Variants in SCUBE2 observed in about 807,000 individuals in gnomAD.
SCUBE2 encodes signal peptide, CUB and EGF-like domain-containing protein 2.
SCUBE2 carries 114 observed loss-of-function variants against 125.9 expected under a neutral mutation model. The ratio of observed to expected loss-of-function variants is 0.91; its 90% CI spans 0.78 to 1.06. The LOEUF is 1.06. SCUBE2 is among the 50% of genes least tolerant of loss of function. The probability of loss-of-function intolerance (pLI) is 0.00; values close to 1 mark genes in which losing one functional copy is unlikely to be tolerated. For synonymous variants in SCUBE2, 459 were observed against 492.9 expected, an observed-to-expected ratio of 0.93 and a Z score of 0.91; for missense variants, 1,255 against 1,301.8, an observed-to-expected ratio of 0.96 and a Z score of 0.55.
intron 9 of SCUBE2, 77 bp from the exon 10 acceptor site, chr11:9,055,986 A>G (rs1308029267): frequency 1.2e-5 from 13 of 1,112,796 alleles, no homozygotes; most frequent in Non-Finnish European, 1.7e-5. Context: ...GATAAATACC[A>G]GTTGCTGACC....
rs1210852364 is a variant in SCUBE2, at chr11:9,054,701, G to GTATATATATATATATATATATA, written c.1208-964_1208-943dup. Among the ~76,000 whole-genome samples, 14 of 51,064 alleles carry GTATATATATATATATATATATA rather than the reference G, an allele frequency of 2.7e-4. 1 individual carries two copies. Among genetic ancestry groups the GTATATATATATATATATATATA allele is most frequent in the African/African-American group, 1.1e-3 (11 of 10,268 alleles). The allele number at this position is 51,064 out of a possible 152,430, so 33.5% of individuals were successfully genotyped here. On this transcript the variant is annotated intron_variant, in intron 10 of 22. Transcript: ENST00000649792. ...TAACTGTCAGTAGCAAAGCACTAGT[G>GTATATATATATATATATATATA]TATATATATATATATATATATATAT...
rs201999971 is a variant in SCUBE2, at chr11:9,053,193, T to G, written c.1353A>C (p.Thr451=). 374 of 1,614,026 alleles carry G rather than the reference T, an allele frequency of 2.3e-4. 1 individual carries two copies. Among genetic ancestry groups the G allele is most frequent in the Middle Eastern group, 3.3e-4 (2 of 6,084 alleles). ...GCAGGGACACACGGGGTGACACACT[T>G]GTGGGCAGGAGCCCCTTCACTTCTA... ...DCVEVKGLLP[T]SVSPRVSLHC... Residue 451 remains threonine (T), a synonymous_variant, in exon 12 of 23, where the codon ACA becomes ACC. Transcript: ENST00000649792.
At chr11:9,027,597 C>A in intron 19 of SCUBE2, 36 bp from the exon 20 acceptor site, 1 of 1,571,156 alleles carries the variant, frequency 6.4e-7, no homozygotes, top group Non-Finnish European at 8.7e-7. Flanking sequence ...TGGCACGACA[C>A]TGTCATCTCT....
intron 7 of SCUBE2, among the ~76,000 whole-genome samples, chr11:9,061,987 C>T (rs1234875817): frequency 1.3e-5 from 2 of 152,158 alleles, no homozygotes; most frequent in East Asian, 3.8e-4. Context: ...AGATAAACCC[C>T]AGAGCTCCTC....
chr11:9,071,861 A>G (rs933820520), intron 4 of SCUBE2, among the ~76,000 whole-genome samples: 4 of 152,110 alleles, frequency 2.6e-5, no homozygotes, highest in Non-Finnish European at 4.4e-5. Context: ...CTCAGAACAC[A>G]CAAAACAAAA....
intron 16 of SCUBE2, among the ~76,000 whole-genome samples, chr11:9,040,381 T>G (rs1347850845): frequency 4.6e-5 from 7 of 152,244 alleles, no homozygotes; most frequent in East Asian, 1.9e-4. Context: ...TTGTGATCTG[T>G]CAATCTGATA....
chr11:9,051,049 G>A lies in SCUBE2; in HGVS notation c.1535-339C>T, dbSNP rs11042163. On this transcript the variant is annotated intron_variant, in intron 13 of 22. Transcript: ENST00000649792. ...ATGGTGGCACATGCCTGTAATCCCA[G>A]CTACTCGGGAGGCTGAGGCAGGAGA... Among the ~76,000 whole-genome samples, 11 of 152,298 alleles carry A rather than the reference G, an allele frequency of 7.2e-5. No homozygotes were observed. The East Asian group carries it at 2.1e-3, about 29-fold the overall frequency.
intron 19 of SCUBE2, among the ~76,000 whole-genome samples, chr11:9,029,575 G>A (rs891039550): frequency 5.9e-5 from 9 of 152,248 alleles, no homozygotes; most frequent in South Asian, 2.1e-4. Context: ...TGCTGGGCAC[G>A]TAACAGGTCC....
Position 9,066,768 on chromosome 11 carries a change from T to C in SCUBE2, c.689A>G (p.Asp230Gly). ...GCTGCACTCTGGGCCATCGGCTGTA[T>C]CGTCACAGGAGTGCTGGCACCCACC... is the stretch of plus-strand genomic sequence containing the variant. ...GNGGCQHSCD[D>G]TADGPECSCH... The change falls in exon 6 of 23, where the codon GAT becomes GGT. Residue 230 changes from aspartate to glycine, a missense_variant. Coordinates refer to ENST00000649792, the MANE Select transcript of SCUBE2 (RefSeq NM_001367977.2). The C allele has an allele frequency of 6.2e-7, 1 of 1,614,210 alleles. No homozygotes were observed. The highest frequency in any genetic ancestry group is 8.5e-7 in the Non-Finnish European group (1 of 1,180,030).
At chr11:9,026,916 A>G (rs1358898496) in intron 20 of SCUBE2, 2 of 166,238 alleles carry the variant, frequency 1.2e-5, no homozygotes, top group South Asian at 1.6e-4. Context: ...AGAGCCCCTC[A>G]TTACACTGCC....
chr11:9,026,612 TA>T (rs200892647), intron 20 of SCUBE2: 17,511 of 141,946 alleles, frequency 0.12, 1,092 homozygotes, highest in South Asian at 0.24. Flanking sequence ...CCCAGCTAAT[TA>T]AAAAAAAAAA....
intron 3 of SCUBE2, among the ~76,000 whole-genome samples, chr11:9,076,517 A>G (rs1273643972): frequency 6.6e-6 from 1 of 151,896 alleles, no homozygotes; most frequent in Non-Finnish European, 1.5e-5. Context: ...TATTCAATGC[A>G]TGAACAAACA....
At chr11:9,051,711 A>G (rs1858437381) in intron 13 of SCUBE2, among the ~76,000 whole-genome samples, 1 of 152,210 alleles carries the variant, frequency 6.6e-6, no homozygotes. Flanking sequence ...TATAGTACCT[A>G]TATTACCAGG....
intron 14 of SCUBE2, 76 bp downstream of exon 14, chr11:9,050,530 G>C: frequency 8.8e-7 from 1 of 1,137,394 alleles, no homozygotes; most frequent in Non-Finnish European, 1.3e-6. Context: ...GGCCCCCATG[G>C]ACCTCCAGCT....
At chr11:9,027,308 C>T (rs953264804) in intron 20 of SCUBE2, 56 bp downstream of exon 20, 47 of 1,555,256 alleles carry the variant, frequency 3.0e-5, no homozygotes, top group African/African-American at 4.1e-5. Context: ...GCCTGAGGAG[C>T]AGGTCATCAG....
At chr11:9,058,882 T>C (rs1859380024) in intron 9 of SCUBE2, among the ~76,000 whole-genome samples, 1 of 152,164 alleles carries the variant, frequency 6.6e-6, no homozygotes, top group Non-Finnish European at 1.5e-5. Context: ...ACTCCAAGTT[T>C]TTGCTAGGGA....
chr11:9,054,674 G>A (rs1283385312), intron 10 of SCUBE2, among the ~76,000 whole-genome samples: 1 of 133,214 alleles, frequency 7.5e-6, no homozygotes, highest in Non-Finnish European at 1.5e-5. Flanking sequence ...GGAGAAGGGA[G>A]ATAACTGTCA....
intron 2 of SCUBE2, among the ~76,000 whole-genome samples, chr11:9,082,340 G>T (rs1861705972): frequency 6.6e-6 from 1 of 152,016 alleles, no homozygotes; most frequent in Non-Finnish European, 1.5e-5. Flanking sequence ...TAAATTTTCA[G>T]GAAGTCCAAT....
chr11:9,075,335 G>A (rs1198148724), intron 3 of SCUBE2, among the ~76,000 whole-genome samples: 1 of 152,158 alleles, frequency 6.6e-6, no homozygotes, highest in African/African-American at 2.4e-5. Flanking sequence ...TGGTCATGGG[G>A]TATCGGGATG....
Sources: gnomAD v4.1 joint callset for allele counts (sites outside exome capture counted in the v4.1 genomes callset) on GRCh38, gnomAD v4.1.1 for gene constraint, MANE v1.5 for transcripts, NCBI Gene and HGNC (gene_info 2026-07-23, HGNC 2026-07-21) for gene names.